Variants in HSD17B12 observed in about 807,000 individuals in gnomAD.
The protein encoded by HSD17B12 is very-long-chain 3-oxoacyl-CoA reductase.
In HSD17B12, 32 loss-of-function variants were observed where a neutral mutation model predicts 39.3. The observed-to-expected ratio is 0.81, with a 90% CI of 0.61 to 1.09. The LOEUF is 1.09. Ranked by LOEUF, HSD17B12 falls within the 50% of genes least tolerant of loss-of-function variation. HSD17B12 has a pLI of 0.00. For synonymous variants in HSD17B12, 150 were observed against 146.7 expected (o/e 1.02, Z -0.16); for missense variants, 342 against 382.9 (o/e 0.89, Z 0.89).
At chr11:43,702,086 A>G (rs1200677023) in intron 1 of HSD17B12, among the ~76,000 whole-genome samples, 1 of 152,112 alleles carries the variant, frequency 6.6e-6, no homozygotes, top group Admixed American at 6.5e-5. Flanking sequence ...ATGGGTAGCT[A>G]TTATAAAGGG....
chr11:43,731,734 T>C (rs965477449), intron 1 of HSD17B12, among the ~76,000 whole-genome samples: 8 of 152,226 alleles, frequency 5.3e-5, no homozygotes, highest in Non-Finnish European at 1.0e-4. Flanking sequence ...CAGGAATTTA[T>C]GCTGGGCAGG....
chr11:43,614,515 G>A, the HSD17B12 span, among the ~76,000 whole-genome samples: 2 of 152,058 alleles, frequency 1.3e-5, no homozygotes, highest in African/African-American at 2.4e-5. Flanking sequence ...ATGTGCCTTG[G>A]TGTCATGTTT....
At chr11:43,630,246 T>A in the HSD17B12 span, among the ~76,000 whole-genome samples, 1 of 152,192 alleles carries the variant, frequency 6.6e-6, no homozygotes. Context: ...GTTGTATGAC[T>A]CTGGGCAAAT....
At chr11:43,558,505 A>G in the HSD17B12 span, among the ~76,000 whole-genome samples, 1 of 151,982 alleles carries the variant, frequency 6.6e-6, no homozygotes, top group Non-Finnish European at 1.5e-5. Flanking sequence ...ATCATCTTCT[A>G]GGAAAGCTGA....
intron 1 of HSD17B12, among the ~76,000 whole-genome samples, chr11:43,747,809 G>C (rs1282546870): frequency 6.6e-6 from 1 of 152,174 alleles, no homozygotes; most frequent in Non-Finnish European, 1.5e-5. Context: ...CTAAGTGACT[G>C]TACTCAATAA....
chr11:43,560,968 T>C, the HSD17B12 span, among the ~76,000 whole-genome samples: 1 of 152,220 alleles, frequency 6.6e-6, no homozygotes, highest in Non-Finnish European at 1.5e-5. Context: ...ATTGGGACTT[T>C]CTTCTCCTCT....
chr11:43,615,718 T>G, the HSD17B12 span, among the ~76,000 whole-genome samples: 1 of 152,310 alleles, frequency 6.6e-6, no homozygotes, highest in East Asian at 1.9e-4. Context: ...TTTATATGTG[T>G]TTATAGAAGG....
At chr11:43,676,773 A>T (rs2134725639), upstream of HSD17B12, among the ~76,000 whole-genome samples, 1 of 152,314 alleles carries the variant, frequency 6.6e-6, no homozygotes, top group Middle Eastern at 3.4e-3. Flanking sequence ...TGTTCCCTAT[A>T]ATCATAGATT....
the HSD17B12 span, among the ~76,000 whole-genome samples, chr11:43,560,917 C>T: frequency 6.6e-6 from 1 of 152,068 alleles, no homozygotes; most frequent in South Asian, 2.1e-4. Flanking sequence ...ATAATTGAAT[C>T]CGCAGCAAAA....
intron 3 of HSD17B12, among the ~76,000 whole-genome samples, chr11:43,795,875 G>A (rs1463413494): frequency 6.6e-6 from 1 of 152,210 alleles, no homozygotes; most frequent in East Asian, 1.9e-4. Context: ...TAAGTACAAT[G>A]GGATAAAATA....
the HSD17B12 span, among the ~76,000 whole-genome samples, chr11:43,591,632 G>C: frequency 6.6e-6 from 1 of 151,962 alleles, no homozygotes; most frequent in Non-Finnish European, 1.5e-5. Flanking sequence ...AAACTATATA[G>C]TTTTATTTTC....
chr11:43,709,849 C>T (rs1263813191), intron 1 of HSD17B12, among the ~76,000 whole-genome samples: 1 of 152,122 alleles, frequency 6.6e-6, no homozygotes, highest in East Asian at 1.9e-4. Context: ...TCTTGGTGAA[C>T]ACTGGGCTTC....
Position 43,755,790 on chromosome 11 carries a change from G to A in HSD17B12, c.283+1669G>A, listed in dbSNP as rs534469322. ...CATAGCTGGTCCTATTGGACAGATA[G>A]CTTCACTTCATCTTTAGATAAAAAA... On this transcript the variant is annotated intron_variant, in intron 3 of 10. Coordinates refer to ENST00000278353, the MANE Select transcript of HSD17B12 (RefSeq NM_016142.3). Among the ~76,000 whole-genome samples, 10 of 152,288 alleles carry A rather than the reference G, an allele frequency of 6.6e-5. No homozygotes were observed. The East Asian group carries it at 1.7e-3, about 26-fold the overall frequency.
chr11:43,653,423 T>C, the HSD17B12 span, among the ~76,000 whole-genome samples: 1 of 152,306 alleles, frequency 6.6e-6, no homozygotes, highest in African/African-American at 2.4e-5. Context: ...TATTATACTT[T>C]AAGTTTTAGG....
the HSD17B12 span, among the ~76,000 whole-genome samples, chr11:43,601,708 C>T: frequency 3.3e-5 from 5 of 152,124 alleles, no homozygotes; most frequent in Non-Finnish European, 7.4e-5. Context: ...ATGATGCTGG[C>T]GTCTCCACTT....
the HSD17B12 span, among the ~76,000 whole-genome samples, chr11:43,671,370 G>A: frequency 2.0e-5 from 3 of 152,128 alleles, no homozygotes; most frequent in African/African-American, 7.2e-5. Context: ...TAGTAGAGAC[G>A]GGGTTTCGCC....
intron 1 of HSD17B12, among the ~76,000 whole-genome samples, chr11:43,748,629 A>G (rs1210913009): frequency 1.3e-5 from 2 of 152,192 alleles, no homozygotes; most frequent in African/African-American, 4.8e-5. Context: ...TAAAAAAACA[A>G]AAACAAAAGT....
intron 6 of HSD17B12, among the ~76,000 whole-genome samples, chr11:43,823,822 G>A (rs1263618800): frequency 6.6e-6 from 1 of 152,102 alleles, no homozygotes; most frequent in Non-Finnish European, 1.5e-5. Context: ...GGGAATAAGG[G>A]TCACACTGAT....
the HSD17B12 span, among the ~76,000 whole-genome samples, chr11:43,608,352 G>A: frequency 2.2e-5 from 3 of 135,310 alleles, no homozygotes; most frequent in Non-Finnish European, 3.2e-5. Context: ...ACCAGAGTGA[G>A]ACTCTGTCTC....
Sources: gnomAD v4.1 joint callset for allele counts (sites outside exome capture counted in the v4.1 genomes callset) on GRCh38, gnomAD v4.1.1 for gene constraint, MANE v1.5 for transcripts, NCBI Gene and HGNC (gene_info 2026-07-23, HGNC 2026-07-21) for gene names.